The following MAGI1 variants were observed in gnomAD, a reference collection of about 807,000 sequenced individuals.
The protein encoded by MAGI1 is membrane-associated guanylate kinase, WW and PDZ domain-containing protein 1.
Under a neutral mutation model 139.9 loss-of-function variants are expected in MAGI1, and 58 were observed. The ratio of observed to expected loss-of-function variants is 0.41; its 90% confidence interval spans 0.34 to 0.52. The LOEUF (loss-of-function observed/expected upper bound fraction) is 0.52, where lower values mean the gene tolerates loss of function less well. MAGI1 is among the 20% of genes least tolerant of loss of function. MAGI1 has a pLI of 0.12. For synonymous variants in MAGI1, 812 were observed against 737.9 expected, an observed-to-expected ratio of 1.10 and a Z score of -1.63; for missense variants, 1,874 against 1,901.6, an observed-to-expected ratio of 0.99 and a Z score of 0.27.
chr3:65,909,897 GA>G (rs989770789), intron 1 of MAGI1, among the ~76,000 whole-genome samples: 4 of 152,078 alleles, frequency 2.6e-5, no homozygotes, highest in African/African-American at 9.7e-5. Context: ...GTTTGGGGAC[GA>G]AACTGTCCCA....
intron 12 of MAGI1, among the ~76,000 whole-genome samples, chr3:65,428,979 C>T (rs969684849): frequency 5.3e-5 from 8 of 152,054 alleles, no homozygotes; most frequent in Admixed American, 1.3e-4. Flanking sequence ...ATTAAAGGAG[C>T]TCCATAAAAG....
At chr3:65,780,108 G>C (rs1180469071) in intron 1 of MAGI1, among the ~76,000 whole-genome samples, 1 of 152,064 alleles carries the variant, frequency 6.6e-6, no homozygotes, top group Non-Finnish European at 1.5e-5. Context: ...CTGCAGCCTG[G>C]ACATTGTGGG....
intron 1 of MAGI1, among the ~76,000 whole-genome samples, chr3:65,647,381 T>A (rs2085324983): frequency 6.6e-6 from 1 of 152,116 alleles, no homozygotes; most frequent in African/African-American, 2.4e-5. Flanking sequence ...CCCAATTTAT[T>A]TTATGAACCT....
chr3:65,540,459 C>T (rs2079157592), intron 2 of MAGI1, among the ~76,000 whole-genome samples: 1 of 152,090 alleles, frequency 6.6e-6, no homozygotes, highest in Non-Finnish European at 1.5e-5. Context: ...GCCTGGCAAA[C>T]AGAGACCCTC....
rs1040600637 is a variant in MAGI1, at chr3:65,549,432, A to C, written c.431-55801T>G. ...CCTGCGGGCCCCGGAGCGGCCCCGG[A>C]GTTCGCCTCGGTCACTGCCGGAGCC... is the stretch of plus-strand genomic sequence containing the variant. On this transcript the variant is annotated intron_variant, in intron 2 of 22. Coordinates refer to ENST00000402939, the MANE Select transcript of MAGI1 (RefSeq NM_001033057.2). The C allele has an allele frequency of 1.3e-5, 13 of 984,586 alleles. No homozygotes were observed. In the East Asian group the frequency reaches 4.6e-4, roughly 35 times the overall value. The allele number at this position is 984,586 out of a possible 1,614,324, so 61.0% of individuals were successfully genotyped here. A position where few individuals can be genotyped will look rare whatever the true frequency, so the allele number is the denominator to read the frequency against.
rs139242716 is a variant in MAGI1 at position 65,791,764 on chromosome 3, G to A, written c.314-169676C>T. ...TTTTTCCATTTGCCAAATTTTCTAC[G>A]TTGAATATATATTACTTCCATAGCA... On this transcript the variant is annotated intron_variant, in intron 1 of 22. Coordinates refer to ENST00000402939, the MANE Select transcript of MAGI1 (RefSeq NM_001033057.2). 1.4e-4 allele frequency among the ~76,000 whole-genome samples: 21 copies of A among 152,152 alleles called. No individual in the cohort carries two copies. The East Asian group carries it at 3.3e-3, about 24-fold the overall frequency.
rs1326062818 is a variant in MAGI1 at position 65,713,555 on chromosome 3, CA to C, written c.314-91468del. ...AGTCAGACAGAAGCCTAAGCCCCAA[CA>C]ATTTTTGAGAACTGAGCTGATTCTA... On this transcript the variant is annotated intron_variant, in intron 1 of 22. Coordinates refer to ENST00000402939, the MANE Select transcript of MAGI1 (RefSeq NM_001033057.2). Among the ~76,000 whole-genome samples, 3 of 152,274 alleles carry C rather than the reference CA, an allele frequency of 2.0e-5. No individual in the cohort carries two copies. The East Asian group carries it at 5.8e-4, about 29-fold the overall frequency.
chr3:65,996,802 G>T (rs2066474070), intron 1 of MAGI1, among the ~76,000 whole-genome samples: 1 of 152,186 alleles, frequency 6.6e-6, no homozygotes, highest in African/African-American at 2.4e-5. Context: ...TTCTTTCTAG[G>T]TTAGTTCTGA....
At chr3:65,521,374 T>G (rs1559633828) in intron 2 of MAGI1, among the ~76,000 whole-genome samples, 1 of 152,190 alleles carries the variant, frequency 6.6e-6, no homozygotes, top group African/African-American at 2.4e-5. Flanking sequence ...TCAAGATATA[T>G]CACTGGAAGG....
chr3:65,864,934 C>G (rs1429787120), intron 1 of MAGI1, among the ~76,000 whole-genome samples: 1 of 152,142 alleles, frequency 6.6e-6, no homozygotes, highest in Non-Finnish European at 1.5e-5. Context: ...TGATAAGACA[C>G]TAAGCAGCAC....
At chr3:65,374,313 C>CTTTTTT (rs3072933) in intron 18 of MAGI1, among the ~76,000 whole-genome samples, 77 of 95,064 alleles carry the variant, frequency 8.1e-4, no homozygotes, top group East Asian at 1.3e-3. Flanking sequence ...ATCAACTTAA[C>CTTTTTT]TTTTTTTTTT....
chr3:65,379,338 A>T lies in MAGI1; in HGVS notation c.2918T>A (p.Ile973Asn). The T allele has an allele frequency of 6.2e-7, 1 of 1,613,394 alleles. No homozygotes were observed. Among genetic ancestry groups the T allele is most frequent in the Non-Finnish European group, 8.5e-7 (1 of 1,179,700 alleles). The change falls in exon 17 of 23, where the codon ATC (isoleucine) becomes AAC (asparagine). Residue 973 changes from isoleucine (I) to asparagine (N), a missense_variant. Physicochemically the swap from Ile to Asn is moderately radical, Grantham distance 149 (BLOSUM62 -3). Around this residue, in one of 5 missense-constraint regions of MAGI1, gnomAD observed 482 missense variants for 509.6 expected, o/e 0.95. Transcript: ENST00000402939. Reference sequence around the variant, plus strand: ...GAAGCCCTCGTTCTCCCCGCGCCGGATCTCCACGTCGTAGGGCTGCACCAC... The same window carrying T: ...GAAGCCCTCGTTCTCCCCGCGCCGGTTCTCCACGTCGTAGGGCTGCACCAC... ...STVVQPYDVE[I>N]RRGENEGFGF...
chr3:65,775,075 T>A (rs1014651413), intron 1 of MAGI1, among the ~76,000 whole-genome samples: 3 of 152,284 alleles, frequency 2.0e-5, no homozygotes, highest in East Asian at 3.9e-4. Context: ...AAGAGCCACA[T>A]GAATGTAACC....
intron 20 of MAGI1, among the ~76,000 whole-genome samples, chr3:65,364,165 TAA>T (rs555186167): frequency 0.036 from 3,174 of 89,308 alleles, 225 homozygotes; most frequent in East Asian, 0.27. Context: ...CCCTGTCTCT[TAA>T]AAAAAAAAAA....
At chr3:65,777,864 T>C in intron 1 of MAGI1, among the ~76,000 whole-genome samples, 1 of 152,130 alleles carries the variant, frequency 6.6e-6, no homozygotes. Context: ...AATTAAATTA[T>C]ATAAAAAATT....
At chr3:65,486,842 C>T (rs769447979) in intron 3 of MAGI1, among the ~76,000 whole-genome samples, 8 of 152,112 alleles carry the variant, frequency 5.3e-5, no homozygotes, top group Non-Finnish European at 7.3e-5. Context: ...AGTCCCTGCC[C>T]GGCAAACCTA....
At position 65,356,827 on chromosome 3, in the gene MAGI1, C is replaced by T. The variant is rs760080102; in HGVS notation, c.3940G>A (p.Ala1314Thr). The part of the protein sequence containing the change: ...RRDAQAERAA[A>T]ANGPKRRSPE... ...GACCGCCTCTTGGGGCCGTTGGCGGCTGCCGCGCGCTCGGCCTGCGCGTCC... is the reference window on the plus strand; with the variant it reads ...GACCGCCTCTTGGGGCCGTTGGCGGTTGCCGCGCGCTCGGCCTGCGCGTCC... The change falls in exon 23 of 23, where the codon GCC becomes ACC. Residue 1314 changes from alanine (A) to threonine (T), a missense_variant. Around this residue, in one of 5 missense-constraint regions of MAGI1, gnomAD observed 653 missense variants for 644.5 expected, o/e 1.01. Coordinates refer to ENST00000402939, the MANE Select transcript of MAGI1 (RefSeq NM_001033057.2). 11 of 1,612,050 alleles carry T rather than the reference C, an allele frequency of 6.8e-6. No homozygotes were observed. The highest frequency in any genetic ancestry group is 9.3e-6 in the Non-Finnish European group (11 of 1,178,696).
intron 14 of MAGI1, among the ~76,000 whole-genome samples, chr3:65,390,068 C>T (rs528414375): frequency 1.3e-5 from 2 of 152,242 alleles, no homozygotes; most frequent in African/African-American, 2.4e-5. Context: ...GCACCTCGGC[C>T]GGCAAAGGAA....
At chr3:65,673,875 A>G (rs571026177) in intron 1 of MAGI1, among the ~76,000 whole-genome samples, 5 of 152,332 alleles carry the variant, frequency 3.3e-5, no homozygotes, top group African/African-American at 4.8e-5. Context: ...TTGGCAAAAC[A>G]AAAGCATTTT....
Sources: gnomAD v4.1 joint callset for allele counts (sites outside exome capture counted in the v4.1 genomes callset) on GRCh38, gnomAD v4.1.1 for gene constraint, gnomAD v4.1.1 regional missense constraint, MANE v1.5 for transcripts, NCBI Gene and HGNC (gene_info 2026-07-23, HGNC 2026-07-21) for gene names.